GRAMD1B: variants seen among roughly 807,000 people sequenced by gnomAD.
GRAMD1B encodes the protein protein Aster-B.
A neutral mutation model predicts 99.7 loss-of-function variants in GRAMD1B; 37 were observed. The ratio of observed to expected loss-of-function variants is 0.37; its 90% CI spans 0.29 to 0.49. GRAMD1B has a LOEUF of 0.49. Among genes scored for constraint, GRAMD1B ranks in the 20% least tolerant of loss-of-function variants. The probability of loss-of-function intolerance (pLI) is 0.98; values close to 1 mark genes in which losing one functional copy is unlikely to be tolerated. For synonymous variants in GRAMD1B, 427 were observed against 387.6 expected, an observed-to-expected ratio of 1.10 and a Z score of -1.19; for missense variants, 888 against 1,009.2, an observed-to-expected ratio of 0.88 and a Z score of 1.63.
chr11:123,366,794 T>C (rs1230180022), intron 1 of GRAMD1B, among the ~76,000 whole-genome samples: 2 of 152,268 alleles, frequency 1.3e-5, no homozygotes, highest in African/African-American at 4.8e-5. Flanking sequence ...ATCTTCTCTC[T>C]ACCAATTGTA....
Position 123,396,049 on chromosome 11 carries a change from C to T in GRAMD1B, c.-176+37250C>T, listed in dbSNP as rs114779190. Among the ~76,000 whole-genome samples, 426 of 152,204 alleles carry T rather than the reference C, an allele frequency of 2.8e-3. 1 individual carries two copies. The highest frequency in any genetic ancestry group is 9.9e-3 in the African/African-American group (413 of 41,516). On this transcript the variant is annotated intron_variant, in intron 1 of 20. Transcript: ENST00000638157. ...TTCTTTGAAAAACTGAGGCTGGGGT[C>T]GATGAATGGACCCAGCTGTGGTACA...
upstream of GRAMD1B, among the ~76,000 whole-genome samples, chr11:123,428,285 C>A (rs1425132977): frequency 1.3e-5 from 2 of 152,064 alleles, no homozygotes; most frequent in Non-Finnish European, 2.9e-5. Context: ...AGCTCCCGAT[C>A]CTGAAGTTTG....
At chr11:123,584,356 T>C (rs779447440) in intron 4 of GRAMD1B, 24 bp downstream of exon 4, 9 of 174,190 alleles carry the variant, frequency 5.2e-5, no homozygotes, top group Non-Finnish European at 7.1e-5. Context: ...TTTCCCTTCT[T>C]GTTGGGTACC....
At position 123,373,094 on chromosome 11, in the gene GRAMD1B, G is replaced by A. The variant is rs538279621; in HGVS notation, c.-176+14295G>A. Among the ~76,000 whole-genome samples the A allele has an allele frequency of 4.6e-5, 7 of 152,230 alleles. No individual in the cohort carries two copies. The South Asian group carries it at 1.0e-3, about 23-fold the overall frequency. On this transcript the variant is annotated intron_variant, in intron 1 of 20. Transcript: ENST00000638157. ...GCAGAGGTTGTGGTGAGCCGAGATC[G>A]TGCCACTGCAATCCAGCCTGGGCCA...
intron 1 of GRAMD1B, among the ~76,000 whole-genome samples, chr11:123,474,652 C>A (rs1951175347): frequency 6.6e-6 from 1 of 152,196 alleles, no homozygotes; most frequent in Non-Finnish European, 1.5e-5. Flanking sequence ...AGGCAGGGGG[C>A]AAACCCAGGT....
At chr11:123,619,356 C>T (rs1394259057) in intron 19 of GRAMD1B, 132 bp downstream of exon 19, 1 of 1,522,890 alleles carries the variant, frequency 6.6e-7, no homozygotes, top group South Asian at 1.2e-5. Context: ...TTCCTCCAGG[C>T]CATGCATTGT....
intron 3 of GRAMD1B, among the ~76,000 whole-genome samples, chr11:123,578,132 C>G (rs1008826637): frequency 2.0e-5 from 3 of 152,130 alleles, no homozygotes; most frequent in African/African-American, 7.2e-5. Flanking sequence ...CATGGATATG[C>G]CTAAAATAGG....
chr11:123,382,986 G>T (rs1369601946), intron 1 of GRAMD1B, among the ~76,000 whole-genome samples: 1 of 152,172 alleles, frequency 6.6e-6, no homozygotes, highest in East Asian at 1.9e-4. Context: ...AAGAGAACTG[G>T]TTACACTTCT....
At chr11:123,402,224 C>T (rs1947689940) in intron 1 of GRAMD1B, among the ~76,000 whole-genome samples, 1 of 152,140 alleles carries the variant, frequency 6.6e-6, no homozygotes, top group Admixed American at 6.5e-5. Context: ...CCATGTTGGC[C>T]AGGCTGGTCT....
chr11:123,451,818 T>G (rs777750985), intron 1 of GRAMD1B, among the ~76,000 whole-genome samples: 1 of 149,416 alleles, frequency 6.7e-6, no homozygotes, highest in Non-Finnish European at 1.5e-5. Context: ...TATTATTCAT[T>G]CATTTGTTTG....
At chr11:123,560,187 G>A (rs1039529734) in intron 2 of GRAMD1B, 11 of 1,028,982 alleles carry the variant, frequency 1.1e-5, no homozygotes, top group Non-Finnish European at 1.3e-5. Flanking sequence ...GTGTGCGTGT[G>A]TGCGCGTGTG....
intron 1 of GRAMD1B, among the ~76,000 whole-genome samples, chr11:123,388,533 G>A (rs900708759): frequency 2.6e-5 from 4 of 152,034 alleles, no homozygotes; most frequent in African/African-American, 7.3e-5. Flanking sequence ...AATTAGCCTG[G>A]CATGGTGGCA....
rs142851354 is a variant in GRAMD1B, at chr11:123,552,929, A to G, written c.453-24438A>G. On this transcript the variant is annotated intron_variant, in intron 2 of 19. Transcript: ENST00000635736. The stretch of plus-strand genomic sequence containing the variant: ...ATATCTTGGATTAAAGAAAATTTTA[A>G]TATCTAGAAAATATAGATCACTAGT... Among the ~76,000 whole-genome samples the G allele has an allele frequency of 4.9e-3, 750 of 152,360 alleles. 6 individuals carry two copies. The highest frequency in any genetic ancestry group is 0.017 in the African/African-American group (704 of 41,580).
Position 123,605,421 on chromosome 11 carries a change from G to C in GRAMD1B, c.1266G>C (p.Lys422Asn). 8.7e-6 allele frequency: 14 copies of C among 1,613,640 alleles called. No individual in the cohort carries two copies. Among genetic ancestry groups the C allele is most frequent in the Non-Finnish European group, 1.2e-5 (14 of 1,179,706 alleles). Residue 422 changes from lysine (K) to asparagine (N), a missense_variant, in exon 10 of 20, where the codon AAG (lysine) becomes AAC (asparagine). Physicochemically the swap from Lys to Asn is moderately conservative, Grantham distance 94. This residue lies in a region of GRAMD1B where 269 missense variants were observed against 296.6 expected (regional missense o/e 0.91). Transcript: ENST00000635736. ...CAGATGCCAGTCCACAGCTGCCCAA[G>C]AAATCCATCACCAACAGCACACTAA... ...TKPDASPQLP[K>N]KSITNSTLTS... is the part of the protein sequence containing the mutation.
chr11:123,619,233 CCCCA>C lies in GRAMD1B; in HGVS notation c.2544+12_2544+15del, dbSNP rs1397856312. On this transcript the variant is annotated intron_variant, in intron 19 of 19. Transcript: ENST00000635736. ...TGATGCTCCTTGACCAGGTGAGATG[CCCCA>C]CCTTCTCTGCTTGCCCTGGTCTTTG... 3.2e-6 allele frequency: 5 copies of C among 1,552,474 alleles called. No homozygotes were observed. In the Admixed American group the frequency reaches 9.8e-5, roughly 30 times the overall value.
In GRAMD1B at chr11:123,410,524, A is replaced by G. The variant is rs560003093; in HGVS notation, c.-176+51725A>G. ...GATACTGCCAGGGAGTCCCACCTGC[A>G]GAATCACGGTTCTCTGCCTACACAA... On this transcript the variant is annotated intron_variant, in intron 1 of 20. Coordinates refer to the GRAMD1B transcript ENST00000638157. Among the ~76,000 whole-genome samples, 77 of 152,228 alleles carry G rather than the reference A, an allele frequency of 5.1e-4. 1 individual carries two copies. The highest frequency in any genetic ancestry group is 2.1e-3 in the Admixed American group (32 of 15,266).
chr11:123,608,370 A>G (rs1200650983), intron 11 of GRAMD1B: 2 of 785,690 alleles, frequency 2.5e-6, no homozygotes, highest in East Asian at 5.4e-5. Context: ...CAACTGAATT[A>G]GGGAGGTTTG....
At chr11:123,432,977 T>C (rs142493380) in intron 1 of GRAMD1B, among the ~76,000 whole-genome samples, 1 of 152,168 alleles carries the variant, frequency 6.6e-6, no homozygotes, top group African/African-American at 2.4e-5. Context: ...AGAAGTTCTT[T>C]CTGTTTGGTA....
At chr11:123,578,537 C>T in intron 3 of GRAMD1B, 2 of 802,506 alleles carry the variant, frequency 2.5e-6, no homozygotes, top group Non-Finnish European at 4.1e-6. Context: ...CCCTTATATC[C>T]TGCTTGGTCC....
Sources: allele counts gnomAD v4.1 joint callset (sites outside exome capture counted in the v4.1 genomes callset), GRCh38; gene constraint gnomAD v4.1.1; regional missense constraint gnomAD v4.1.1; transcripts MANE v1.5; gene names NCBI Gene and HGNC (gene_info 2026-07-23, HGNC 2026-07-21).